The following STAT1 variants were observed in gnomAD, a reference collection of about 807,000 sequenced individuals.
STAT1 encodes the protein signal transducer and activator of transcription 1-alpha/beta.
Under a neutral mutation model 111.7 loss-of-function variants are expected in STAT1, and 24 were observed. The ratio of observed to expected loss-of-function variants is 0.21; its 90% CI spans 0.16 to 0.30. The LOEUF (loss-of-function observed/expected upper bound fraction) is 0.30, where lower values mean the gene tolerates loss of function less well. Ranked by LOEUF, STAT1 falls within the 10% of genes least tolerant of loss-of-function variation. The probability of loss-of-function intolerance (pLI) is 1.00; values close to 1 mark genes in which losing one functional copy is unlikely to be tolerated. For missense variants in STAT1, 351 were observed against 911.9 expected (o/e 0.38, Z 7.92); for synonymous variants, 332 against 326.5 (o/e 1.02, Z -0.18).
At chr2:190,991,506 A>T (rs954374392) in intron 10 of STAT1, among the ~76,000 whole-genome samples, 186 bp from the exon 11 acceptor site, 1 of 152,232 alleles carries the variant, frequency 6.6e-6, no homozygotes, top group Non-Finnish European at 1.5e-5. Context: ...AAAACCTAAT[A>T]GGGACTTAAC....
At position 190,982,598 on chromosome 2, in the gene STAT1, C is replaced by T; in HGVS notation, c.1447-80G>A. The T allele has an allele frequency of 6.6e-7, 1 of 1,514,764 alleles. No individual in the cohort carries two copies. Among genetic ancestry groups the T allele is most frequent in the South Asian group, 1.1e-5 (1 of 88,630 alleles). The allele number at this position is 1,514,764 out of a possible 1,614,324, so 93.8% of individuals were successfully genotyped here. On this transcript the variant is annotated intron_variant, in intron 17 of 24. Coordinates refer to ENST00000361099, the MANE Select transcript of STAT1 (RefSeq NM_007315.4). This position sits in a 1 kb window ranked among gnomAD's most constrained non-coding sequence, Gnocchi z 7.3. ...TGTGGCACTAAAACATATGTCCATC[C>T]CAAAGTTCAATTCTAGTTTATATGA...
rs1694504992 is a variant in STAT1, at chr2:191,004,213, A to G, written c.373-3050T>C. 6.6e-6 allele frequency among the ~76,000 whole-genome samples: 1 copy of G among 152,076 alleles called. No homozygotes were observed. Among genetic ancestry groups the G allele is most frequent in the African/African-American group, 2.4e-5 (1 of 41,386 alleles). On this transcript the variant is annotated intron_variant, in intron 5 of 24. Coordinates refer to ENST00000361099, the MANE Select transcript of STAT1 (RefSeq NM_007315.4). This position sits in a 1 kb window ranked among gnomAD's most constrained non-coding sequence, Gnocchi z 5.0. ...TCCTGTACACTTTAGTACTGATACC[A>G]CTTTCACAGTGAGTCCTTAACTTTT...
chr2:190,991,164 A>C, intron 11 of STAT1, 64 bp downstream of exon 11: 1 of 1,529,746 alleles, frequency 6.5e-7, no homozygotes, highest in Non-Finnish European at 9.1e-7. Flanking sequence ...GTTTTTATAA[A>C]AGGAAACTAG....
At position 191,004,881 on chromosome 2, in the gene STAT1, T is replaced by G. The variant is rs774049754; in HGVS notation, c.372+2682A>C. Among the ~76,000 whole-genome samples the G allele has an allele frequency of 4.6e-5, 7 of 151,940 alleles. No homozygotes were observed. Among genetic ancestry groups the G allele is most frequent in the Non-Finnish European group, 1.0e-4 (7 of 67,966 alleles). On this transcript the variant is annotated intron_variant, in intron 5 of 24. Coordinates refer to ENST00000361099, the MANE Select transcript of STAT1 (RefSeq NM_007315.4). This position sits in a 1 kb window ranked among gnomAD's most constrained non-coding sequence, Gnocchi z 5.0. ...TCCCACCTGAAAGAAATTCTCCCCA[T>G]CCCTTCAGACCCTATGGACCTAAAT...
chr2:190,980,585 G>A lies in STAT1; in HGVS notation c.1632+35C>T, dbSNP rs1692299404. ...TGAGAACCTCAACCAAGAGCAAAAAGGACTTAGAGAGCATAAAACCCAGAC... is the reference window on the plus strand; with the variant it reads ...TGAGAACCTCAACCAAGAGCAAAAAAGACTTAGAGAGCATAAAACCCAGAC... On this transcript the variant is annotated intron_variant, in intron 19 of 24. Coordinates refer to ENST00000361099, the MANE Select transcript of STAT1 (RefSeq NM_007315.4). This position sits in a 1 kb window ranked among gnomAD's most constrained non-coding sequence, Gnocchi z 6.1. 6.2e-7 allele frequency: 1 copy of A among 1,609,508 alleles called. No homozygotes were observed. Among genetic ancestry groups the A allele is most frequent in the African/African-American group, 1.3e-5 (1 of 74,826 alleles).
In STAT1 at chr2:190,987,011, A is replaced by C. The variant is rs142467350; in HGVS notation, c.1127+28T>G. 3.1e-6 allele frequency: 5 copies of C among 1,611,278 alleles called. No individual in the cohort carries two copies. Among genetic ancestry groups the C allele is most frequent in the Non-Finnish European group, 3.4e-6 (4 of 1,177,460 alleles). ...ACTATTAAATAAATAAAAATATAGC[A>C]CAGTATAGCGTAAAGTACGTCACGT... On this transcript the variant is annotated intron_variant, in intron 13 of 24. Coordinates refer to ENST00000361099, the MANE Select transcript of STAT1 (RefSeq NM_007315.4). This position sits in a 1 kb window ranked among gnomAD's most constrained non-coding sequence, Gnocchi z 4.0.
intron 10 of STAT1, among the ~76,000 whole-genome samples, chr2:190,991,952 G>C (rs980561422): frequency 6.6e-6 from 1 of 152,090 alleles, no homozygotes; most frequent in Non-Finnish European, 1.5e-5. Context: ...TACAAGTAAT[G>C]TTTTTAAATT....
Position 190,974,717 on chromosome 2 carries a change from GC to G in STAT1, c.2238+112del. 2 of 922,424 alleles carry G rather than the reference GC, an allele frequency of 2.2e-6. No individual in the cohort carries two copies. The highest frequency in any genetic ancestry group is 3.5e-6 in the Non-Finnish European group (2 of 566,992). The allele number at this position is 922,424 out of a possible 1,614,324, so 57.1% of individuals were successfully genotyped here. ...TCATCTGAGCACTGCACTCTCCTTG[GC>G]TCCGCCAGGGCTCCCTCCCGCAGAC... On this transcript the variant is annotated intron_variant, in intron 24 of 24. Transcript: ENST00000361099. The surrounding 1 kb of genome is among the most constrained non-coding windows in gnomAD (Gnocchi z 4.8).
intron 12 of STAT1, among the ~76,000 whole-genome samples, chr2:190,988,374 C>A (rs1402616212): frequency 2.0e-5 from 3 of 152,240 alleles, no homozygotes; most frequent in East Asian, 1.9e-4. Flanking sequence ...TTTTTAGCCA[C>A]TAAGTTTTTG....
At position 190,987,704 on chromosome 2, in the gene STAT1, T is replaced by C. The variant is rs1296605732; in HGVS notation, c.1098-636A>G. On this transcript the variant is annotated intron_variant, in intron 12 of 24. Coordinates refer to ENST00000361099, the MANE Select transcript of STAT1 (RefSeq NM_007315.4). This position sits in a 1 kb window ranked among gnomAD's most constrained non-coding sequence, Gnocchi z 4.0. ...TATATCCAGTGATTACTTTGTCATGTTCTGGCCAAATAATGTATCCGTGAG... is the reference window on the plus strand; with the variant it reads ...TATATCCAGTGATTACTTTGTCATGCTCTGGCCAAATAATGTATCCGTGAG... Among the ~76,000 whole-genome samples the C allele has an allele frequency of 1.3e-5, 2 of 152,204 alleles. No individual in the cohort carries two copies. Among genetic ancestry groups the C allele is most frequent in the Non-Finnish European group, 2.9e-5 (2 of 68,034 alleles).
rs1692357951 is a variant in STAT1, at chr2:190,981,141, C to T, written c.1583-472G>A. Among the ~76,000 whole-genome samples, 1 of 152,066 alleles carries T rather than the reference C, an allele frequency of 6.6e-6. No individual in the cohort carries two copies. The highest frequency in any genetic ancestry group is 2.4e-5 in the African/African-American group (1 of 41,426). On this transcript the variant is annotated intron_variant, in intron 18 of 24. Transcript: ENST00000361099. This position sits in a 1 kb window ranked among gnomAD's most constrained non-coding sequence, Gnocchi z 4.1. ...AATCAAAGGTGTTCTGCTGGGCCTC[C>T]TAGAGAAGCCTCCCTATCCAGTGCC...
Position 191,000,654 on chromosome 2 carries a change from T to C in STAT1, c.462+420A>G, listed in dbSNP as rs541729938. 2.8e-4 allele frequency among the ~76,000 whole-genome samples: 42 copies of C among 152,344 alleles called. No individual in the cohort carries two copies. The highest frequency in any genetic ancestry group is 9.6e-4 in the African/African-American group (40 of 41,566). On this transcript the variant is annotated intron_variant, in intron 6 of 24. Transcript: ENST00000361099. The surrounding 1 kb of genome is among the most constrained non-coding windows in gnomAD (Gnocchi z 4.8). ...TTAATCAGAAATGTATCCAAATTTC[T>C]TTCAATAAAATGTATTTTTGTTCCT...
In STAT1 at chr2:190,995,565, T is replaced by C. The variant is rs953114789; in HGVS notation, c.786-346A>G. On this transcript the variant is annotated intron_variant, in intron 9 of 24. Coordinates refer to ENST00000361099, the MANE Select transcript of STAT1 (RefSeq NM_007315.4). This position sits in a 1 kb window ranked among gnomAD's most constrained non-coding sequence, Gnocchi z 4.2. Reference sequence around the variant, plus strand: ...GGGAACCACCCCCATGATTCAATTATCTCCACCTGGCCCTGCCCTTGACAC... The same window carrying C: ...GGGAACCACCCCCATGATTCAATTACCTCCACCTGGCCCTGCCCTTGACAC... 3.3e-5 allele frequency among the ~76,000 whole-genome samples: 5 copies of C among 152,128 alleles called. No homozygotes were observed. The highest frequency in any genetic ancestry group is 5.9e-5 in the Non-Finnish European group (4 of 68,020).
rs1320194085 is a variant in STAT1, at chr2:190,979,191, T to C, written c.1728-190A>G. Among the ~76,000 whole-genome samples the C allele has an allele frequency of 6.6e-6, 1 of 152,214 alleles. No individual in the cohort carries two copies. The highest frequency in any genetic ancestry group is 2.4e-5 in the African/African-American group (1 of 41,456). Reference sequence around the variant, plus strand: ...TCACTTATACATGTATATACTAAGGTTTTAAAAAAAGCGATATGAACATGG... The same window carrying C: ...TCACTTATACATGTATATACTAAGGCTTTAAAAAAAGCGATATGAACATGG... On this transcript the variant is annotated intron_variant, in intron 20 of 24. Coordinates refer to ENST00000361099, the MANE Select transcript of STAT1 (RefSeq NM_007315.4). This position sits in a 1 kb window ranked among gnomAD's most constrained non-coding sequence, Gnocchi z 5.8.
At position 190,988,599 on chromosome 2, in the gene STAT1, C is replaced by G. The variant is rs45512193; in HGVS notation, c.1097+1016G>C. Among the ~76,000 whole-genome samples the G allele has an allele frequency of 2.7e-3, 406 of 152,216 alleles. 5 individuals are homozygous for G. In the East Asian group the frequency reaches 0.045, roughly 17 times the overall value. On this transcript the variant is annotated intron_variant, in intron 12 of 24. Coordinates refer to ENST00000361099, the MANE Select transcript of STAT1 (RefSeq NM_007315.4). Reference sequence around the variant, plus strand: ...TTCGCCATGTTGGCCAGGCCGGTCTCAAACTCTGGCTTCATGTGATCTGCC... The same window carrying G: ...TTCGCCATGTTGGCCAGGCCGGTCTGAAACTCTGGCTTCATGTGATCTGCC...
intron 1 of STAT1, 67 bp downstream of exon 1, chr2:191,013,951 T>G: frequency 3.3e-6 from 1 of 303,556 alleles, no homozygotes; most frequent in Non-Finnish European, 6.0e-6. Context: ...GGCGTCCAAC[T>G]GCACGGCCCG....
Position 190,971,389 on chromosome 2 carries a change from C to A in STAT1, c.2239-672G>T, listed in dbSNP as rs1035391948. 6.6e-6 allele frequency among the ~76,000 whole-genome samples: 1 copy of A among 152,168 alleles called. No homozygotes were observed. On this transcript the variant is annotated intron_variant, in intron 24 of 24. Transcript: ENST00000361099. The surrounding 1 kb of genome is among the most constrained non-coding windows in gnomAD (Gnocchi z 4.1). ...CTGAAGACATTGCTGATTGTCCCATCTGGCTGTGAGGGTGCATGTGCTTAC... is the reference window on the plus strand; with the variant it reads ...CTGAAGACATTGCTGATTGTCCCATATGGCTGTGAGGGTGCATGTGCTTAC...
At chr2:191,010,040 T>C (rs1173151748) in intron 2 of STAT1, 36 bp from the exon 3 acceptor site, 9 of 1,611,636 alleles carry the variant, frequency 5.6e-6, no homozygotes, top group Non-Finnish European at 5.1e-6. Context: ...TTTCTATGTA[T>C]ATGGAAACCA....
chr2:190,994,349 A>C (rs1360459100), intron 10 of STAT1, among the ~76,000 whole-genome samples: 1 of 151,782 alleles, frequency 6.6e-6, no homozygotes, highest in Non-Finnish European at 1.5e-5. Flanking sequence ...GGTGATGAGG[A>C]ACCAGAATGG....
Sources: allele counts gnomAD v4.1 joint callset (sites outside exome capture counted in the v4.1 genomes callset), GRCh38; gene constraint gnomAD v4.1.1; non-coding constraint Gnocchi (gnomAD v3.1); transcripts MANE v1.5; gene names NCBI Gene and HGNC (gene_info 2026-07-23, HGNC 2026-07-21).